SLFN11: variants seen among roughly 807,000 people sequenced by gnomAD.
SLFN11 encodes schlafen family member 11.
SLFN11 carries 43 observed loss-of-function variants against 53.4 expected under a neutral mutation model. The ratio of observed to expected loss-of-function variants is 0.80; its 90% confidence interval spans 0.63 to 1.04. The LOEUF (loss-of-function observed/expected upper bound fraction) is 1.04, where lower values mean the gene tolerates loss of function less well. Among genes scored for constraint, SLFN11 ranks in the 50% least tolerant of loss-of-function variants. SLFN11 has a pLI of 0.00. For synonymous variants in SLFN11, 389 were observed against 394.7 expected, an observed-to-expected ratio of 0.99 and a Z score of 0.17; for missense variants, 990 against 1,079.1, an observed-to-expected ratio of 0.92 and a Z score of 1.16.
chr17:35,373,176 G>A (rs1909905741), intron 1 of SLFN11, among the ~76,000 whole-genome samples: 1 of 151,972 alleles, frequency 6.6e-6, no homozygotes, highest in Non-Finnish European at 1.5e-5. Context: ...CGCAGAAACC[G>A]CGGCTGGCTG....
chr17:35,364,299 G>C (rs899313461), intron 3 of SLFN11, among the ~76,000 whole-genome samples: 1 of 152,044 alleles, frequency 6.6e-6, no homozygotes, highest in Non-Finnish European at 1.5e-5. Flanking sequence ...ACTTCAGAAA[G>C]GACTGACTGT....
At chr17:35,362,208 A>G (rs1210276025) in intron 4 of SLFN11, among the ~76,000 whole-genome samples, 2 of 152,154 alleles carry the variant, frequency 1.3e-5, no homozygotes, top group Non-Finnish European at 1.5e-5. Context: ...AGAGTTGGAA[A>G]GCCATGCACA....
chr17:35,371,231 T>C (rs1909612478), intron 1 of SLFN11, among the ~76,000 whole-genome samples: 1 of 152,074 alleles, frequency 6.6e-6, no homozygotes, highest in East Asian at 1.9e-4. Flanking sequence ...AAAGACATTC[T>C]CTTCAATAAA....
intron 1 of SLFN11, among the ~76,000 whole-genome samples, chr17:35,371,787 T>C (rs1194807592): frequency 6.6e-6 from 1 of 152,094 alleles, no homozygotes; most frequent in African/African-American, 2.4e-5. Flanking sequence ...CTCATCCAAG[T>C]TAAAATGGCT....
chr17:35,353,941 C>A lies in SLFN11; in HGVS notation c.1317G>T (p.Leu439Phe), dbSNP rs562715364. The change falls in exon 6 of 7, where the codon TTG becomes TTT. Residue 439 changes from leucine (L) to phenylalanine (F), a missense_variant. Leu to Phe is a conservative substitution (Grantham distance 22). Coordinates refer to ENST00000685675, the MANE Select transcript of SLFN11 (RefSeq NM_001376007.1). Reference sequence around the variant, plus strand: ...CCACAGCCCAACTTCTAGAGAAGATCAAAATTCCCCGAAAGAAAGGTTGCA... The same window carrying A: ...CCACAGCCCAACTTCTAGAGAAGATAAAAATTCCCCGAAAGAAAGGTTGCA... The part of the protein sequence containing the change: ...KQMQPFFRGI[L>F]IFSRSWAVDL... The A allele has an allele frequency of 3.7e-6, 6 of 1,613,998 alleles. No homozygotes were observed. The highest frequency in any genetic ancestry group is 2.7e-5 in the African/African-American group (2 of 75,020).
In SLFN11 at chr17:35,352,481, C is replaced by T. The variant is rs756232278; in HGVS notation, c.2581G>A (p.Glu861Lys). ...TGGATCCCAAACACTATGCTCCTTT[C>T]CAGGCCTGAGAATCGCCGAACACTG... Reference protein sequence around the residue: ...LDSVRRFSGLERSIVFGIHPR... With the variant: ...LDSVRRFSGLKRSIVFGIHPR... The change falls in exon 7 of 7, where the codon GAA becomes AAA. Residue 861 changes from glutamate to lysine, a missense_variant. Glu to Lys is a moderately conservative substitution (Grantham distance 56). Coordinates refer to ENST00000685675, the MANE Select transcript of SLFN11 (RefSeq NM_001376007.1). 4.3e-6 allele frequency: 7 copies of T among 1,614,068 alleles called. No homozygotes were observed. The East Asian group carries it at 1.1e-4, about 26-fold the overall frequency.
intron 5 of SLFN11, among the ~76,000 whole-genome samples, chr17:35,356,952 T>C (rs2141942472): frequency 6.6e-6 from 1 of 152,206 alleles, no homozygotes; most frequent in Non-Finnish European, 1.5e-5. Context: ...AGAAGGTGTG[T>C]TTCCCCACAA....
Position 35,363,195 on chromosome 17 carries a change from G to A in SLFN11, c.613C>T (p.Leu205=). 4 of 1,614,072 alleles carry A rather than the reference G, an allele frequency of 2.5e-6. 1 individual carries two copies. Among genetic ancestry groups the A allele is most frequent in the Non-Finnish European group, 3.4e-6 (4 of 1,180,002 alleles). The change falls in exon 4 of 7, where the codon CTG becomes TTG. Residue 205 remains leucine, a synonymous_variant. Transcript: ENST00000685675. ...ACTAACTGAGACTCAGGAAAAGGCA[G>A]GATTTCACCATATTCAAGATAGTCT... ...QKDYLEYGEI[L]PFPESQLVEF... is the part of the protein sequence containing the mutation.
intron 5 of SLFN11, among the ~76,000 whole-genome samples, chr17:35,357,880 CTATA>C (rs1256885122): frequency 7.0e-6 from 1 of 142,230 alleles, no homozygotes; most frequent in Non-Finnish European, 1.5e-5. Flanking sequence ...TTTTATATAT[CTATA>C]TATTATAGTT....
intron 1 of SLFN11, among the ~76,000 whole-genome samples, chr17:35,372,072 A>C (rs1909747636): frequency 6.6e-6 from 1 of 152,192 alleles, no homozygotes; most frequent in South Asian, 2.1e-4. Flanking sequence ...AAGCACTCTA[A>C]GCGTCCATCA....
At chr17:35,369,908 G>C (rs1430341551) in intron 1 of SLFN11, among the ~76,000 whole-genome samples, 1 of 152,078 alleles carries the variant, frequency 6.6e-6, no homozygotes, top group Non-Finnish European at 1.5e-5. Context: ...GGACCCGATG[G>C]CTTCACCACT....
At chr17:35,367,311 T>C (rs966623378) in intron 2 of SLFN11, 2 of 152,134 alleles carry the variant, frequency 1.3e-5, no homozygotes, top group African/African-American at 2.4e-5. Flanking sequence ...GGTTGGCAAT[T>C]GTATTTAAAC....
In SLFN11 at chr17:35,360,340, A is replaced by G. The variant is rs181361083; in HGVS notation, c.1101T>C (p.Cys367=). 25 of 1,609,068 alleles carry G rather than the reference A, an allele frequency of 1.6e-5. No homozygotes were observed. In the East Asian group the frequency reaches 5.4e-4, roughly 35 times the overall value. The part of the protein sequence containing the change: ...DLLQLSEDFE[C]QLSLSSGPPL... ...GAGGCCCACTAGATAGACTCAGCTGACATTCAAAATCTTCAGACAACTGTA... is the reference window on the plus strand; with the variant it reads ...GAGGCCCACTAGATAGACTCAGCTGGCATTCAAAATCTTCAGACAACTGTA... Residue 367 remains cysteine, a synonymous_variant, in exon 5 of 7, where the codon TGT becomes TGC. Coordinates refer to ENST00000685675, the MANE Select transcript of SLFN11 (RefSeq NM_001376007.1).
In SLFN11 at chr17:35,363,538, C is replaced by T; in HGVS notation, c.270G>A (p.Leu90=). The T allele has an allele frequency of 6.2e-7, 1 of 1,614,054 alleles. No individual in the cohort carries two copies. Among genetic ancestry groups the T allele is most frequent in the Non-Finnish European group, 8.5e-7 (1 of 1,180,000 alleles). Reference sequence around the variant, plus strand: ...GTTGCTTGGTCTCAAAGAAAGCCTGCAGATCTGAAGACTGAATAAGCTCTC... The same window carrying T: ...GTTGCTTGGTCTCAAAGAAAGCCTGTAGATCTGAAGACTGAATAAGCTCTC... ...SLRELIQSSD[L]QAFFETKQQG... Residue 90 remains leucine (L), a synonymous_variant, in exon 4 of 7, where the codon CTG becomes CTA. Transcript: ENST00000685675.
In SLFN11 at chr17:35,357,851, ATTAT is replaced by A. The variant is rs1380797022; in HGVS notation, c.1198+2388_1198+2391del. Among the ~76,000 whole-genome samples the A allele has an allele frequency of 2.8e-5, 4 of 145,302 alleles. No individual in the cohort carries two copies. The East Asian group carries it at 5.9e-4, about 21-fold the overall frequency. On this transcript the variant is annotated intron_variant, in intron 5 of 6. Coordinates refer to ENST00000685675, the MANE Select transcript of SLFN11 (RefSeq NM_001376007.1). The stretch of plus-strand genomic sequence containing the variant: ...TAAATAATAAAATTAAAAATATATA[ATTAT>A]TTATATAATATATATTTTATATATC...
Position 35,363,029 on chromosome 17 carries a change from C to T in SLFN11, c.779G>A (p.Cys260Tyr), listed in dbSNP as rs758159321. The stretch of plus-strand genomic sequence containing the variant: ...GTCAGGGTCAACATTTTCTTTTGCA[C>T]ATCCCAGGACTTCCCTACTCTTATC... Reference protein sequence around the residue: ...VDDKSREVLGCAKENVDPDSL... With the variant: ...VDDKSREVLGYAKENVDPDSL... Residue 260 changes from cysteine to tyrosine, a missense_variant, in exon 4 of 7, where the codon TGT becomes TAT. By Grantham distance (194) the Cys-to-Tyr change is radical. Around this residue, in one of 3 missense-constraint regions of SLFN11, gnomAD observed 521 missense variants for 516.2 expected, o/e 1.01. Coordinates refer to ENST00000685675, the MANE Select transcript of SLFN11 (RefSeq NM_001376007.1). 3 of 1,614,040 alleles carry T rather than the reference C, an allele frequency of 1.9e-6. No individual in the cohort carries two copies. In the Admixed American group the frequency reaches 5.0e-5, roughly 27 times the overall value.
intron 5 of SLFN11, among the ~76,000 whole-genome samples, chr17:35,356,184 T>C (rs1476058808): frequency 6.6e-6 from 1 of 152,146 alleles, no homozygotes; most frequent in Non-Finnish European, 1.5e-5. Context: ...ACTGACAGCA[T>C]TGATTCTGAA....
intron 4 of SLFN11, among the ~76,000 whole-genome samples, chr17:35,362,157 C>A (rs12602803): frequency 0.42 from 63,558 of 151,950 alleles, 14,587 homozygotes; most frequent in South Asian, 0.52. Context: ...ATCTTCCTGC[C>A]ATGGACAATT....
In SLFN11 at chr17:35,367,708, G is replaced by C. The variant is rs1214730552; in HGVS notation, c.-234-8C>G. The C allele has an allele frequency of 6.6e-6, 1 of 152,148 alleles. No individual in the cohort carries two copies. The highest frequency in any genetic ancestry group is 2.4e-5 in the African/African-American group (1 of 41,434). 9.4% of individuals were successfully genotyped at this position (152,148 alleles called of 1,614,324 possible). On this transcript the variant is annotated splice_region_variant and splice_polypyrimidine_tract_variant and intron_variant, in intron 1 of 6. Transcript: ENST00000685675. ...GGCTATGTATACAGAAACCTATGTA[G>C]ACAGAGGTAACAGAGTTCAAGGATT...
Sources: gnomAD v4.1 joint callset for allele counts (sites outside exome capture counted in the v4.1 genomes callset) on GRCh38, gnomAD v4.1.1 for gene constraint, gnomAD v4.1.1 regional missense constraint, MANE v1.5 for transcripts, NCBI Gene and HGNC (gene_info 2026-07-23, HGNC 2026-07-21) for gene names.